SLC4A5: variants seen among roughly 807,000 people sequenced by gnomAD.
The protein encoded by SLC4A5 is solute carrier family 4 member 5, also known as electrogenic sodium bicarbonate cotransporter 4.
A neutral mutation model predicts 120.4 loss-of-function variants in SLC4A5; 96 were observed. The ratio of observed to expected loss-of-function variants is 0.80; its 90% CI spans 0.68 to 0.94. SLC4A5 has a LOEUF of 0.94. Among genes scored for constraint, SLC4A5 ranks in the 40% least tolerant of loss-of-function variants. The probability of loss-of-function intolerance (pLI) is 0.00; values close to 1 mark genes in which losing one functional copy is unlikely to be tolerated. For missense variants in SLC4A5, 1,259 were observed against 1,459.5 expected (o/e 0.86, Z 2.24); for synonymous variants, 550 against 571.1 (o/e 0.96, Z 0.53).
At chr2:74,300,319 G>C (rs551896418) in intron 7 of SLC4A5, among the ~76,000 whole-genome samples, 2 of 152,314 alleles carry the variant, frequency 1.3e-5, no homozygotes, top group South Asian at 4.1e-4. Context: ...TTTGCTTAGA[G>C]AGATCTTAAG....
At chr2:74,322,613 G>A (rs1673123816) in intron 5 of SLC4A5, among the ~76,000 whole-genome samples, 1 of 151,986 alleles carries the variant, frequency 6.6e-6, no homozygotes, top group Admixed American at 6.6e-5. Context: ...TGTTAATTCT[G>A]GACAGTAATA....
chr2:74,333,521 C>T (rs1254790177), intron 4 of SLC4A5, among the ~76,000 whole-genome samples: 3 of 152,104 alleles, frequency 2.0e-5, no homozygotes, highest in Non-Finnish European at 2.9e-5. Context: ...TCCCAAAATA[C>T]AGTATAAAAA....
At chr2:74,235,052 G>A in intron 22 of SLC4A5, 49 bp downstream of exon 22, 1 of 1,420,150 alleles carries the variant, frequency 7.0e-7, no homozygotes, top group Non-Finnish European at 9.9e-7. Context: ...AGAATCTGCA[G>A]CTGGTAGGCA....
chr2:74,264,746 C>T (rs1488539050), intron 9 of SLC4A5, among the ~76,000 whole-genome samples: 1 of 152,104 alleles, frequency 6.6e-6, no homozygotes, highest in Non-Finnish European at 1.5e-5. Flanking sequence ...CTTCGACACA[C>T]CACTAAATGA....
chr2:74,276,473 G>A (rs995632359), intron 8 of SLC4A5, among the ~76,000 whole-genome samples: 2 of 152,194 alleles, frequency 1.3e-5, no homozygotes, highest in South Asian at 4.1e-4. Flanking sequence ...GATTGATGTA[G>A]TGCTGCAGTT....
chr2:74,327,223 G>A (rs926598588), intron 5 of SLC4A5, among the ~76,000 whole-genome samples: 1 of 152,188 alleles, frequency 6.6e-6, no homozygotes, highest in African/African-American at 2.4e-5. Context: ...TCACTGGTCA[G>A]CTTTTGGGGA....
At chr2:74,234,146 C>T (rs969558053) in intron 22 of SLC4A5, among the ~76,000 whole-genome samples, 2 of 151,356 alleles carry the variant, frequency 1.3e-5, no homozygotes, top group African/African-American at 4.9e-5. Context: ...CTGGTGAGAT[C>T]GTTGGTGCTC....
chr2:74,337,209 C>A (rs1481573966), intron 3 of SLC4A5, among the ~76,000 whole-genome samples: 1 of 152,138 alleles, frequency 6.6e-6, no homozygotes, highest in Non-Finnish European at 1.5e-5. Context: ...GGGAACAGAA[C>A]AGCTGCTGGG....
chr2:74,233,668 T>C (rs531430279), intron 22 of SLC4A5, 105 bp from the exon 23 acceptor site: 2 of 1,369,012 alleles, frequency 1.5e-6, no homozygotes, highest in East Asian at 5.0e-5. Context: ...TGACTTTGGG[T>C]ACTTTTCAAG....
Position 74,276,717 on chromosome 2 carries a change from G to A in SLC4A5, c.401+9056C>T, listed in dbSNP as rs146481422. Among the ~76,000 whole-genome samples, 1,107 of 152,310 alleles carry A rather than the reference G, an allele frequency of 7.3e-3. 7 individuals are homozygous for A. Among genetic ancestry groups the A allele is most frequent in the African/African-American group, 0.025 (1,048 of 41,566 alleles). ...CATATTTGGGGTGTCTGCTCTCCCTGTCTTCCATGGGGATGTGCTCTCTAG... is the reference window on the plus strand; with the variant it reads ...CATATTTGGGGTGTCTGCTCTCCCTATCTTCCATGGGGATGTGCTCTCTAG... On this transcript the variant is annotated intron_variant, in intron 8 of 30. Transcript: ENST00000394019.
chr2:74,304,754 T>TA (rs1672588800), intron 6 of SLC4A5, 74 bp from the exon 7 acceptor site: 2 of 1,452,160 alleles, frequency 1.4e-6, no homozygotes. Context: ...ATTCATCAGT[T>TA]ACAAAGAGAT....
intron 7 of SLC4A5, among the ~76,000 whole-genome samples, chr2:74,286,383 G>A (rs528428725): frequency 2.9e-4 from 44 of 152,300 alleles, no homozygotes; most frequent in Non-Finnish European, 5.3e-4. Context: ...TGGGCAAGAT[G>A]GCAGTCCATT....
intron 7 of SLC4A5, 114 bp from the exon 8 acceptor site, chr2:74,286,016 G>A: frequency 1.6e-6 from 2 of 1,248,110 alleles, no homozygotes; most frequent in South Asian, 1.7e-5. Context: ...TTCTAATTCT[G>A]TAAAACTAAG....
At chr2:74,222,514 A>G (rs540578068) in intron 29 of SLC4A5, among the ~76,000 whole-genome samples, 25 of 152,302 alleles carry the variant, frequency 1.6e-4, no homozygotes, top group Middle Eastern at 3.4e-3. Context: ...GGAGGTGAGC[A>G]TGGGCGAGCA....
exon 31 of SLC4A5, chr2:74,218,234 T>G (rs184927932): frequency 1.3e-3 from 192 of 152,348 alleles, no homozygotes; most frequent in African/African-American, 4.4e-3. Flanking sequence ...AAAAGTATAT[T>G]ACAAGTTTGT....
At chr2:74,260,323 C>G (rs958254021) in intron 11 of SLC4A5, among the ~76,000 whole-genome samples, 27 of 152,216 alleles carry the variant, frequency 1.8e-4, no homozygotes, top group African/African-American at 5.5e-4. Context: ...CCTCTCATTT[C>G]TGTCCCAGGA....
intron 8 of SLC4A5, among the ~76,000 whole-genome samples, chr2:74,266,780 CT>C (rs1397002142): frequency 6.6e-6 from 1 of 152,020 alleles, no homozygotes; most frequent in African/African-American, 2.4e-5. Flanking sequence ...TGGAGAAAGA[CT>C]TCCTAAACAA....
At chr2:74,226,639 G>A (rs187505762) in intron 27 of SLC4A5, among the ~76,000 whole-genome samples, 1 of 152,170 alleles carries the variant, frequency 6.6e-6, no homozygotes, top group East Asian at 1.9e-4. Flanking sequence ...TGGAATTTTG[G>A]CAGTGGGAAC....
At chr2:74,219,213 GTGTGTGTT>G (rs755544690) in intron 30 of SLC4A5, among the ~76,000 whole-genome samples, 8,850 of 107,370 alleles carry the variant, frequency 0.082, 265 homozygotes, top group African/African-American at 0.17. Flanking sequence ...GTGTGTGTGT[GTGTGTGTT>G]TGTGTGTGTT....
Sources: gnomAD v4.1 joint callset for allele counts (sites outside exome capture counted in the v4.1 genomes callset) on GRCh38, gnomAD v4.1.1 for gene constraint, MANE v1.5 for transcripts, NCBI Gene and HGNC (gene_info 2026-07-23, HGNC 2026-07-21) for gene names.